Variants in FARS2 observed in about 807,000 individuals in gnomAD.
FARS2 encodes the protein phenylalanine--tRNA ligase, mitochondrial.
A neutral mutation model predicts 46.4 loss-of-function variants in FARS2; 40 were observed. That is an observed-to-expected ratio of 0.86 (90% CI 0.67 to 1.12). The LOEUF (loss-of-function observed/expected upper bound fraction) is 1.12, where lower values mean the gene tolerates loss of function less well. Among genes scored for constraint, FARS2 ranks in the 50% most tolerant of loss-of-function variants. The probability of loss-of-function intolerance (pLI) is 0.00; values close to 1 mark genes in which losing one functional copy is unlikely to be tolerated. For missense variants in FARS2, 513 were observed against 567.9 expected, an observed-to-expected ratio of 0.90 and a Z score of 0.98; for synonymous variants, 234 against 214.9, an observed-to-expected ratio of 1.09 and a Z score of -0.78.
chr6:5,429,303 CAG>C (rs568499670), intron 3 of FARS2, among the ~76,000 whole-genome samples: 98 of 152,130 alleles, frequency 6.4e-4, no homozygotes, highest in African/African-American at 2.3e-3. Flanking sequence ...CTGTTGTAAA[CAG>C]AAATCAGTTG....
At chr6:5,695,755 A>G (rs1333472333) in intron 6 of FARS2, among the ~76,000 whole-genome samples, 1 of 152,224 alleles carries the variant, frequency 6.6e-6, no homozygotes, top group African/African-American at 2.4e-5. Flanking sequence ...GCCATAAAGG[A>G]AAAGAGTGAT....
At chr6:5,415,310 C>CT (rs773981175) in intron 3 of FARS2, among the ~76,000 whole-genome samples, 552 of 53,616 alleles carry the variant, frequency 0.01, 18 homozygotes, top group African/African-American at 0.035. Flanking sequence ...CTTTTCTTTT[C>CT]TTTTTTTTTT....
chr6:5,687,902 A>T (rs1380553983), intron 6 of FARS2, among the ~76,000 whole-genome samples: 2 of 152,110 alleles, frequency 1.3e-5, no homozygotes, highest in Non-Finnish European at 2.9e-5. Context: ...GTTCTCCTTG[A>T]AGAGGTCCTT....
In FARS2 at chr6:5,297,684, G is replaced by GCAA. The variant is rs1325055962; in HGVS notation, c.-22+36027_-22+36029dup. Among the ~76,000 whole-genome samples, 1,003 of 151,878 alleles carry GCAA rather than the reference G, an allele frequency of 6.6e-3. 11 individuals are homozygous for GCAA. Among genetic ancestry groups the GCAA allele is most frequent in the African/African-American group, 0.023 (945 of 41,428 alleles). On this transcript the variant is annotated intron_variant, in intron 1 of 6. Transcript: ENST00000274680. Reference sequence around the variant, plus strand: ...AAATAAAAAAAAACCCAAAAGAACAGCAACAGCAACAACAACAACAACGAA... The same window carrying GCAA: ...AAATAAAAAAAAACCCAAAAGAACAGCAACAACAGCAACAACAACAACAACGAA...
At chr6:5,381,064 G>A (rs1005057916) in intron 2 of FARS2, among the ~76,000 whole-genome samples, 5 of 151,076 alleles carry the variant, frequency 3.3e-5, no homozygotes, top group South Asian at 2.1e-4. Context: ...GCAGTGGCGC[G>A]ATCTTGGCTC....
At chr6:5,555,404 G>A (rs1175016312) in intron 5 of FARS2, among the ~76,000 whole-genome samples, 2 of 152,134 alleles carry the variant, frequency 1.3e-5, no homozygotes, top group African/African-American at 2.4e-5. Flanking sequence ...GAATGTGGTG[G>A]TCAAAATTTT....
chr6:5,766,291 C>G (rs951797524), intron 6 of FARS2, among the ~76,000 whole-genome samples: 1 of 152,210 alleles, frequency 6.6e-6, no homozygotes, highest in African/African-American at 2.4e-5. Flanking sequence ...CCCACCCCGG[C>G]CCCCATGCTC....
intron 5 of FARS2, among the ~76,000 whole-genome samples, chr6:5,548,263 C>T (rs948798115): frequency 6.6e-6 from 1 of 152,144 alleles, no homozygotes; most frequent in Non-Finnish European, 1.5e-5. Flanking sequence ...GGGACACAGC[C>T]AAACCATATC....
rs143711777 is a variant in FARS2 at position 5,454,809 on chromosome 6, C to T, written c.904+23637C>T. Among the ~76,000 whole-genome samples, 7 of 152,302 alleles carry T rather than the reference C, an allele frequency of 4.6e-5. No homozygotes were observed. In the South Asian group the frequency reaches 6.2e-4, roughly 14 times the overall value. On this transcript the variant is annotated intron_variant, in intron 4 of 6. Transcript: ENST00000274680. ...TGCTCTGACCAGCTCTCTGGCCATG[C>T]GGACCCGCCTTCACCGTCATTCCAG... is the stretch of plus-strand genomic sequence containing the variant.
intron 4 of FARS2, among the ~76,000 whole-genome samples, chr6:5,481,079 G>C (rs1766426601): frequency 6.6e-6 from 1 of 152,230 alleles, no homozygotes; most frequent in Non-Finnish European, 1.5e-5. Context: ...AAAAGGCAGT[G>C]AGTCCTTTAT....
chr6:5,741,445 A>C (rs1761332709), intron 6 of FARS2, among the ~76,000 whole-genome samples: 1 of 152,108 alleles, frequency 6.6e-6, no homozygotes, highest in South Asian at 2.1e-4. Flanking sequence ...CACACTATGT[A>C]CAGGATTAGA....
chr6:5,711,913 C>T (rs963447409), intron 6 of FARS2, among the ~76,000 whole-genome samples: 2 of 152,120 alleles, frequency 1.3e-5, no homozygotes, highest in African/African-American at 4.8e-5. Context: ...ACTCGTGTAC[C>T]AGGCTAATGT....
intron 6 of FARS2, among the ~76,000 whole-genome samples, chr6:5,729,615 C>T (rs1169371021): frequency 1.3e-5 from 2 of 152,042 alleles, no homozygotes; most frequent in Non-Finnish European, 2.9e-5. Flanking sequence ...CTTTGTCCTC[C>T]TCGGTACTCA....
intron 6 of FARS2, among the ~76,000 whole-genome samples, chr6:5,744,876 A>G (rs1222455696): frequency 6.6e-6 from 1 of 152,252 alleles, no homozygotes; most frequent in Non-Finnish European, 1.5e-5. Flanking sequence ...TAATATAATG[A>G]ACAATTATAA....
chr6:5,761,061 C>T (rs1360758120), intron 6 of FARS2, among the ~76,000 whole-genome samples: 2 of 152,192 alleles, frequency 1.3e-5, no homozygotes, highest in Admixed American at 6.5e-5. Flanking sequence ...CCCTTGCCAC[C>T]AGTACCTCTG....
At chr6:5,592,936 C>A (rs780782192) in intron 5 of FARS2, among the ~76,000 whole-genome samples, 1 of 152,204 alleles carries the variant, frequency 6.6e-6, no homozygotes, top group Non-Finnish European at 1.5e-5. Flanking sequence ...GGCCACACAG[C>A]GCCTGGTCAC....
intron 1 of FARS2, among the ~76,000 whole-genome samples, chr6:5,272,792 A>G (rs1766055993): frequency 6.6e-6 from 1 of 152,142 alleles, no homozygotes; most frequent in African/African-American, 2.4e-5. Flanking sequence ...TTGCTAGTCA[A>G]TGTCTCTGCA....
intron 6 of FARS2, among the ~76,000 whole-genome samples, chr6:5,740,774 G>C (rs990952529): frequency 3.3e-5 from 5 of 152,142 alleles, no homozygotes; most frequent in Non-Finnish European, 7.4e-5. Context: ...CTGTAACCTG[G>C]GGGGAATAGC....
chr6:5,622,716 A>G (rs1254994780), intron 6 of FARS2, among the ~76,000 whole-genome samples: 1 of 152,178 alleles, frequency 6.6e-6, no homozygotes, highest in Non-Finnish European at 1.5e-5. Flanking sequence ...CCAGACACCA[A>G]ATCTGCTGGC....
Sources: gnomAD v4.1 joint callset for allele counts (sites outside exome capture counted in the v4.1 genomes callset) on GRCh38, gnomAD v4.1.1 for gene constraint, MANE v1.5 for transcripts, NCBI Gene and HGNC (gene_info 2026-07-23, HGNC 2026-07-21) for gene names.